The following GPT2 variants were observed in gnomAD, a reference collection of about 807,000 sequenced individuals.
GPT2 encodes the protein alanine aminotransferase 2.
A neutral mutation model predicts 56.9 loss-of-function variants in GPT2; 30 were observed. The ratio of observed to expected loss-of-function variants is 0.53; its 90% CI spans 0.39 to 0.72. The LOEUF is 0.72. GPT2 is among the 30% of genes least tolerant of loss of function. The pLI, the probability that GPT2 is intolerant of heterozygous loss-of-function variation, is 0.00. For missense variants in GPT2, 542 were observed against 703.4 expected (o/e 0.77, Z 2.60); for synonymous variants, 271 against 283.1 (o/e 0.96, Z 0.43).
intron 3 of GPT2, among the ~76,000 whole-genome samples, chr16:46,899,907 C>T (rs1291869664): frequency 6.6e-6 from 1 of 152,198 alleles, no homozygotes; most frequent in Non-Finnish European, 1.5e-5. Flanking sequence ...TGCCTCTAGC[C>T]TTCACACATC....
intron 6 of GPT2, among the ~76,000 whole-genome samples, chr16:46,914,164 C>G (rs145164944): frequency 1.3e-5 from 2 of 152,154 alleles, no homozygotes; most frequent in Non-Finnish European, 2.9e-5. Flanking sequence ...TACCTCGTTG[C>G]GTTTACTCCT....
intron 5 of GPT2, among the ~76,000 whole-genome samples, chr16:46,907,886 A>G (rs907432567): frequency 7.2e-5 from 11 of 152,170 alleles, no homozygotes; most frequent in African/African-American, 2.4e-4. Context: ...GGCTGGGGCC[A>G]GTGGTTACTT....
At chr16:46,917,377 C>T (rs978445010) in intron 7 of GPT2, among the ~76,000 whole-genome samples, 10 of 152,138 alleles carry the variant, frequency 6.6e-5, no homozygotes, top group East Asian at 1.9e-4. Flanking sequence ...AAATGACTGA[C>T]GCCCACTCCT....
chr16:46,918,118 A>G (rs983468622), intron 7 of GPT2, among the ~76,000 whole-genome samples: 1 of 152,174 alleles, frequency 6.6e-6, no homozygotes, highest in African/African-American at 2.4e-5. Flanking sequence ...ACGGGTATAA[A>G]TGCTGCTCTG....
At chr16:46,904,090 T>G (rs552326971) in intron 4 of GPT2, among the ~76,000 whole-genome samples, 2 of 152,032 alleles carry the variant, frequency 1.3e-5, no homozygotes, top group Non-Finnish European at 2.9e-5. Flanking sequence ...TTCGATGAGG[T>G]GGGAGTTTGG....
chr16:46,916,329 G>C (rs540811207), intron 6 of GPT2: 19 of 219,018 alleles, frequency 8.7e-5, no homozygotes, highest in African/African-American at 3.1e-4. Flanking sequence ...CTGGGTGACA[G>C]AGCGAGACTC....
intron 6 of GPT2, among the ~76,000 whole-genome samples, chr16:46,910,487 A>G (rs914890306): frequency 2.6e-5 from 4 of 151,360 alleles, no homozygotes; most frequent in Non-Finnish European, 4.4e-5. Flanking sequence ...CCCAGGAGGC[A>G]GAGGTTGCAG....
intron 4 of GPT2, among the ~76,000 whole-genome samples, chr16:46,901,746 C>T (rs1567336235): frequency 6.6e-6 from 1 of 152,158 alleles, no homozygotes; most frequent in Non-Finnish European, 1.5e-5. Context: ...TTATTGACGG[C>T]CCTGTGCTTA....
Position 46,893,512 on chromosome 16 carries a change from T to G in GPT2, c.244-4136T>G, listed in dbSNP as rs894739649. Among the ~76,000 whole-genome samples the G allele has an allele frequency of 4.6e-5, 7 of 152,338 alleles. No individual in the cohort carries two copies. In the East Asian group the frequency reaches 5.8e-4, roughly 13 times the overall value. On this transcript the variant is annotated intron_variant, in intron 2 of 11. Coordinates refer to ENST00000340124, the MANE Select transcript of GPT2 (RefSeq NM_133443.4). ...GATGCGGAGGCTGACGGTGTTCCCT[T>G]CCGTGGGCCGCCTTTTTGTTGATTG... is the stretch of plus-strand genomic sequence containing the variant.
intron 2 of GPT2, among the ~76,000 whole-genome samples, chr16:46,890,820 C>G (rs558934728): frequency 1.2e-4 from 18 of 152,296 alleles, no homozygotes; most frequent in African/African-American, 3.9e-4. Context: ...AAGTCCTGTT[C>G]TCAGCAAATT....
rs143451663 is a variant in GPT2 at position 46,922,369 on chromosome 16, G to A, written c.1165G>A (p.Val389Met). 1.9e-6 allele frequency: 3 copies of A among 1,613,746 alleles called. No individual in the cohort carries two copies. The highest frequency in any genetic ancestry group is 1.7e-5 in the Admixed American group (1 of 59,936). Reference sequence around the variant, plus strand: ...TGGGCAGGCCGCCATGGACATTGTCGTGAACCCCCCGGTGGCAGGAGAGGA... The same window carrying A: ...TGGGCAGGCCGCCATGGACATTGTCATGAACCCCCCGGTGGCAGGAGAGGA... ...VSGQAAMDIVVNPPVAGEESF... is the reference protein window; with the variant it reads ...VSGQAAMDIVMNPPVAGEESF... Residue 389 changes from valine to methionine, a missense_variant, in exon 9 of 12, where the codon GTG becomes ATG. Physicochemically the swap from Val to Met is conservative, Grantham distance 21 (BLOSUM62 1). Coordinates refer to ENST00000340124, the MANE Select transcript of GPT2 (RefSeq NM_133443.4).
chr16:46,924,917 C>A (rs1961373166), intron 10 of GPT2, among the ~76,000 whole-genome samples: 1 of 151,802 alleles, frequency 6.6e-6, no homozygotes, highest in Non-Finnish European at 1.5e-5. Context: ...CACCGATCAC[C>A]TAGGGCCTTT....
chr16:46,912,513 G>A (rs764362614), intron 6 of GPT2, among the ~76,000 whole-genome samples: 1 of 152,142 alleles, frequency 6.6e-6, no homozygotes, highest in African/African-American at 2.4e-5. Flanking sequence ...CAGGCCTCCC[G>A]CTGGAGTTCC....
intron 6 of GPT2, among the ~76,000 whole-genome samples, chr16:46,914,486 G>A (rs1961103849): frequency 6.6e-6 from 1 of 152,188 alleles, no homozygotes; most frequent in South Asian, 2.1e-4. Context: ...GCAGTGAGCT[G>A]AGATTGTGCC....
chr16:46,929,287 G>T lies in GPT2; in HGVS notation c.*290G>T. The stretch of plus-strand genomic sequence containing the variant: ...TTTTGCTTCTGGAAAGTTCATTTGG[G>T]GTTTACAACAACTAGGATGTGTTGG... On this transcript the variant is annotated 3_prime_UTR_variant, in exon 12 of 12. Transcript: ENST00000340124. 1 of 386,420 alleles carries T rather than the reference G, an allele frequency of 2.6e-6. No homozygotes were observed. Among genetic ancestry groups the T allele is most frequent in the Non-Finnish European group, 4.8e-6 (1 of 206,336 alleles). The allele number at this position is 386,420 out of a possible 1,614,324, so 23.9% of individuals were successfully genotyped here. A position where few individuals can be genotyped will look rare whatever the true frequency, so the allele number is the denominator to read the frequency against.
rs765879188 is a variant in GPT2 at position 46,922,222 on chromosome 16, C to T, written c.1038-20C>T. On this transcript the variant is annotated intron_variant, in intron 8 of 11. Coordinates refer to ENST00000340124, the MANE Select transcript of GPT2 (RefSeq NM_133443.4). Reference sequence around the variant, plus strand: ...GTCTTTCTATAACTGGTGGTCCTCTCCCTCTCTTTGGCCCTCCAGGTGTGG... The same window carrying T: ...GTCTTTCTATAACTGGTGGTCCTCTTCCTCTCTTTGGCCCTCCAGGTGTGG... 5 of 1,611,480 alleles carry T rather than the reference C, an allele frequency of 3.1e-6. No individual in the cohort carries two copies. In the South Asian group the frequency reaches 4.4e-5, roughly 14 times the overall value.
At chr16:46,919,635 A>AG (rs1389109751) in intron 8 of GPT2, among the ~76,000 whole-genome samples, 2 of 152,174 alleles carry the variant, frequency 1.3e-5, no homozygotes, top group Admixed American at 1.3e-4. Context: ...GAATTATAGG[A>AG]GGCCAGGTCA....
chr16:46,892,103 A>G (rs927039486), intron 2 of GPT2, among the ~76,000 whole-genome samples: 4 of 152,170 alleles, frequency 2.6e-5, no homozygotes, highest in Non-Finnish European at 5.9e-5. Flanking sequence ...GCTGGCAGCT[A>G]TCACCTCTGC....
intron 11 of GPT2, 32 bp downstream of exon 11, chr16:46,927,069 C>G (rs779847857): frequency 1.4e-6 from 2 of 1,384,734 alleles, no homozygotes; most frequent in Non-Finnish European, 2.0e-6. Flanking sequence ...AGGGGCTGGT[C>G]CGGGTCTTGT....
Sources: gnomAD v4.1 joint callset for allele counts (sites outside exome capture counted in the v4.1 genomes callset) on GRCh38, gnomAD v4.1.1 for gene constraint, MANE v1.5 for transcripts, NCBI Gene and HGNC (gene_info 2026-07-23, HGNC 2026-07-21) for gene names.